The following ATMIN variants were observed in gnomAD, a reference collection of about 807,000 sequenced individuals.
The protein encoded by ATMIN is ATM INteracting protein.
In ATMIN, 24 loss-of-function variants were observed where a neutral mutation model predicts 49.2. The ratio of observed to expected loss-of-function variants is 0.49; its 90% CI spans 0.35 to 0.69. The LOEUF is 0.69. Ranked by LOEUF, ATMIN falls within the 30% of genes least tolerant of loss-of-function variation. The probability of loss-of-function intolerance (pLI) is 0.00; values close to 1 mark genes in which losing one functional copy is unlikely to be tolerated. For synonymous variants in ATMIN, 450 were observed against 392.5 expected (o/e 1.15, Z -1.73); for missense variants, 1,037 against 1,005.5 (o/e 1.03, Z -0.42).
chr16:81,045,794 G>A lies in ATMIN; in HGVS notation c.*824G>A, dbSNP rs2549890. 0.98 allele frequency: 148,263 copies of A among 152,012 alleles called. 72,402 individuals carry two copies. Among genetic ancestry groups the A allele is most frequent in the Middle Eastern group, 1 (294 of 294 alleles). 9.4% of individuals were successfully genotyped at this position (152,012 alleles called of 1,614,324 possible). A position where few individuals can be genotyped will look rare whatever the true frequency, so the allele number is the denominator to read the frequency against. ...GGAGTTCAACACCAGCTTGGGCAAC[G>A]TAAGAAGACCGTGTCTCTGGAATTT... On this transcript the variant is annotated 3_prime_UTR_variant, in exon 4 of 4. Coordinates refer to ENST00000299575, the MANE Select transcript of ATMIN (RefSeq NM_015251.3).
Position 81,043,198 on chromosome 16 carries a change from G to A in ATMIN, c.700G>A (p.Ala234Thr), listed in dbSNP as rs1486144629. 1.9e-6 allele frequency: 3 copies of A among 1,610,912 alleles called. No individual in the cohort carries two copies. The highest frequency in any genetic ancestry group is 2.2e-5 in the South Asian group (2 of 90,352). ...TAAGAAAAGGAAAATGGAAAACTGT[G>A]CACAAAACCAGAAGTTATCCAACAA... is the stretch of plus-strand genomic sequence containing the variant. The part of the protein sequence containing the change: ...PSKKRKMENC[A>T]QNQKLSNKTI... The change falls in exon 4 of 4, where the codon GCA becomes ACA. Residue 234 changes from alanine (A) to threonine (T), a missense_variant. By Grantham distance (58) the Ala-to-Thr change is moderately conservative (BLOSUM62 0). Coordinates refer to ENST00000299575, the MANE Select transcript of ATMIN (RefSeq NM_015251.3).
intron 1 of ATMIN, among the ~76,000 whole-genome samples, chr16:81,040,284 C>G (rs956278804): frequency 1.3e-5 from 2 of 151,902 alleles, no homozygotes; most frequent in Non-Finnish European, 2.9e-5. Flanking sequence ...AGCTTATTCT[C>G]TGAGGACAGA....
chr16:81,043,138 T>G (rs2151740242), intron 3 of ATMIN, 23 bp from the exon 4 acceptor site: 1 of 1,571,392 alleles, frequency 6.4e-7, no homozygotes, highest in East Asian at 2.2e-5. Context: ...AAGGTTTTCT[T>G]TTTGCTCTGT....
At chr16:81,036,403 G>T (rs12935418) in intron 1 of ATMIN, among the ~76,000 whole-genome samples, 197 bp downstream of exon 1, 21 of 151,858 alleles carry the variant, frequency 1.4e-4, no homozygotes, top group African/African-American at 2.7e-4. Context: ...CGGCCTCTGG[G>T]GGGGAGGAGG....
chr16:81,042,374 G>T lies in ATMIN; in HGVS notation c.556G>T (p.Asp186Tyr). ...ATGGGACCTGAAAAGACATGCAGAGGACTGTGGCAAGACCTTCCGGTGCAC... is the reference window on the plus strand; with the variant it reads ...ATGGGACCTGAAAAGACATGCAGAGTACTGTGGCAAGACCTTCCGGTGCAC... Reference protein sequence around the residue: ...TEWDLKRHAEDCGKTFRCTCG... With the variant: ...TEWDLKRHAEYCGKTFRCTCG... Residue 186 changes from aspartate to tyrosine, a missense_variant, in exon 3 of 4, where the codon GAC (aspartate) becomes TAC (tyrosine). Physicochemically the swap from Asp to Tyr is radical, Grantham distance 160. Coordinates refer to ENST00000299575, the MANE Select transcript of ATMIN (RefSeq NM_015251.3). 6.2e-7 allele frequency: 1 copy of T among 1,614,164 alleles called. No individual in the cohort carries two copies. Among genetic ancestry groups the T allele is most frequent in the Non-Finnish European group, 8.5e-7 (1 of 1,180,032 alleles).
chr16:81,041,088 A>T (rs1971029114), intron 1 of ATMIN: 2 of 352,430 alleles, frequency 5.7e-6, no homozygotes, highest in East Asian at 6.6e-5. Flanking sequence ...GGAACATACA[A>T]GGGGGGCATC....
chr16:81,039,846 A>C (rs1453208805), intron 1 of ATMIN, among the ~76,000 whole-genome samples: 1 of 152,200 alleles, frequency 6.6e-6, no homozygotes, highest in Non-Finnish European at 1.5e-5. Flanking sequence ...TAAGGAAAGG[A>C]AAGGTTCCAA....
At chr16:81,036,363 C>G (rs551146030) in intron 1 of ATMIN, among the ~76,000 whole-genome samples, 157 bp downstream of exon 1, 8 of 152,042 alleles carry the variant, frequency 5.3e-5, no homozygotes, top group African/African-American at 1.9e-4. Context: ...GGAGGCGGCT[C>G]TCGAACCCTC....
chr16:81,036,237 G>C (rs115484651), intron 1 of ATMIN, 31 bp downstream of exon 1: 61 of 1,343,926 alleles, frequency 4.5e-5, no homozygotes, highest in Non-Finnish European at 5.8e-5. Flanking sequence ...GGCCCGGGGG[G>C]CCGGGCCTGG....
chr16:81,045,445 G>C lies in ATMIN; in HGVS notation c.*475G>C, dbSNP rs1971102198. 6.4e-6 allele frequency: 1 copy of C among 156,782 alleles called. No individual in the cohort carries two copies. The highest frequency in any genetic ancestry group is 2.4e-5 in the African/African-American group (1 of 41,456). The allele number at this position is 156,782 out of a possible 1,614,324, so 9.7% of individuals were successfully genotyped here. A position where few individuals can be genotyped will look rare whatever the true frequency, so the allele number is the denominator to read the frequency against. On this transcript the variant is annotated 3_prime_UTR_variant, in exon 4 of 4. Transcript: ENST00000299575. Reference sequence around the variant, plus strand: ...AAAGAAACCGGATGCTGCCACCGTAGGATTTAAGCAGTAGTGCTTCCATGC... The same window carrying C: ...AAAGAAACCGGATGCTGCCACCGTACGATTTAAGCAGTAGTGCTTCCATGC...
At chr16:81,042,556 G>C (rs1445226465) in intron 3 of ATMIN, 76 bp downstream of exon 3, 3 of 1,439,188 alleles carry the variant, frequency 2.1e-6, no homozygotes, top group Non-Finnish European at 2.9e-6. Flanking sequence ...TGGAGAGCCA[G>C]TGGTGTGGGG....
Position 81,046,410 on chromosome 16 carries a change from T to C in ATMIN, c.*1440T>C, listed in dbSNP as rs1368331663. 3 of 152,222 alleles carry C rather than the reference T, an allele frequency of 2.0e-5. No homozygotes were observed. Among genetic ancestry groups the C allele is most frequent in the Non-Finnish European group, 4.4e-5 (3 of 68,042 alleles). 9.4% of individuals were successfully genotyped at this position (152,222 alleles called of 1,614,324 possible). The stretch of plus-strand genomic sequence containing the variant: ...ACTTGTGCCTTGAGGCTAGCAATTA[T>C]AGGATAGATTCATCTAAAATATGGT... On this transcript the variant is annotated 3_prime_UTR_variant, in exon 4 of 4. Transcript: ENST00000299575.
In ATMIN at chr16:81,041,848, GAA is replaced by G. The variant is rs371934654; in HGVS notation, c.462+368_462+369del. 1.1e-3 allele frequency: 227 copies of G among 211,778 alleles called. 1 individual carries two copies. The highest frequency in any genetic ancestry group is 5.1e-3 in the African/African-American group (218 of 43,002). The allele number at this position is 211,778 out of a possible 1,614,324, so 13.1% of individuals were successfully genotyped here. ...TAAGAACCTGCAGAATCCAGGAAAA[GAA>G]GAGTTTTGGAAGCCGCAATCTTAAG... is the stretch of plus-strand genomic sequence containing the variant. On this transcript the variant is annotated intron_variant, in intron 2 of 3. Coordinates refer to ENST00000299575, the MANE Select transcript of ATMIN (RefSeq NM_015251.3).
Position 81,044,413 on chromosome 16 carries a change from G to C in ATMIN, c.1915G>C (p.Glu639Gln). 2 of 1,614,052 alleles carry C rather than the reference G, an allele frequency of 1.2e-6. No individual in the cohort carries two copies. The highest frequency in any genetic ancestry group is 2.2e-5 in the East Asian group (1 of 44,866). Residue 639 changes from glutamate to glutamine, a missense_variant, in exon 4 of 4, where the codon GAA becomes CAA. Transcript: ENST00000299575. Reference sequence around the variant, plus strand: ...GAACCCCGGAATCGATTTTGATATCGAAGAGTTCTTTTCGGCCTCAAATAT... The same window carrying C: ...GAACCCCGGAATCGATTTTGATATCCAAGAGTTCTTTTCGGCCTCAAATAT... ...AQNPGIDFDI[E>Q]EFFSASNIQT... is the part of the protein sequence containing the mutation.
intron 1 of ATMIN, chr16:81,040,765 C>G (rs535462703): frequency 4.7e-4 from 72 of 154,226 alleles, no homozygotes; most frequent in Admixed American, 7.6e-4. Context: ...GAGGTAATGA[C>G]ATGATCGAAG....
chr16:81,041,728 A>G (rs143556322), intron 2 of ATMIN: 222 of 359,658 alleles, frequency 6.2e-4, no homozygotes, highest in African/African-American at 4.2e-3. Context: ...TTCAGCAAAG[A>G]ATGAGAAAAT....
At position 81,044,143 on chromosome 16, in the gene ATMIN, C is replaced by G. The variant is rs1971081616; in HGVS notation, c.1645C>G (p.Gln549Glu). Reference protein sequence around the residue: ...AETVTHSLLPQNEPKTLNQDI... With the variant: ...AETVTHSLLPENEPKTLNQDI... ...GACAGTAACTCATAGTTTGTTACCT[C>G]AGAATGAGCCTAAGACTTTAAATCA... Residue 549 changes from glutamine to glutamate, a missense_variant, in exon 4 of 4, where the codon CAG becomes GAG. Transcript: ENST00000299575. 1 of 1,614,042 alleles carries G rather than the reference C, an allele frequency of 6.2e-7. No individual in the cohort carries two copies. The highest frequency in any genetic ancestry group is 8.5e-7 in the Non-Finnish European group (1 of 1,180,030).
At chr16:81,041,545 G>A (rs1315708717) in intron 2 of ATMIN, 64 bp downstream of exon 2, 4 of 1,552,320 alleles carry the variant, frequency 2.6e-6, no homozygotes, top group Non-Finnish European at 3.5e-6. Context: ...TGATTACTTA[G>A]CAGACATAAC....
chr16:81,044,753 C>T lies in ATMIN; in HGVS notation c.2255C>T (p.Pro752Leu), dbSNP rs750803402. The change falls in exon 4 of 4, where the codon CCT becomes CTT. Residue 752 changes from proline to leucine, a missense_variant. Physicochemically the swap from Pro to Leu is moderately conservative, Grantham distance 98. Transcript: ENST00000299575. ...TEGVSTAKNIPALESKVQLNS... is the reference protein window; with the variant it reads ...TEGVSTAKNILALESKVQLNS... ...GGAGTCTCCACTGCTAAAAATATAC[C>T]TGCTCTAGAAAGCAAAGTTCAGTTG... 5 of 1,614,062 alleles carry T rather than the reference C, an allele frequency of 3.1e-6. No individual in the cohort carries two copies. Among genetic ancestry groups the T allele is most frequent in the Admixed American group, 1.7e-5 (1 of 59,998 alleles).
Sources: allele counts gnomAD v4.1 joint callset (sites outside exome capture counted in the v4.1 genomes callset), GRCh38; gene constraint gnomAD v4.1.1; transcripts MANE v1.5; gene names NCBI Gene and HGNC (gene_info 2026-07-23, HGNC 2026-07-21).